FBXO45: variants seen among roughly 807,000 people sequenced by gnomAD.
FBXO45 encodes the protein F-box/SPRY domain-containing protein 1.
Under a neutral mutation model 25.5 loss-of-function variants are expected in FBXO45, and 3 were observed. That is an observed-to-expected ratio of 0.12 (90% CI 0.05 to 0.30). The LOEUF is 0.30. Among genes scored for constraint, FBXO45 ranks in the 10% least tolerant of loss-of-function variants. The pLI is 1.00. For missense variants in FBXO45, 219 were observed against 365.0 expected (o/e 0.60, Z 3.26); for synonymous variants, 155 against 149.8 (o/e 1.03, Z -0.25).
At chr3:196,574,486 A>G (rs989235278) in intron 1 of FBXO45, among the ~76,000 whole-genome samples, 3 of 152,326 alleles carry the variant, frequency 2.0e-5, no homozygotes, top group Admixed American at 1.3e-4. Flanking sequence ...ATTTTAGTCT[A>G]CATATTCACT....
At chr3:196,582,759 C>G (rs1736035325) in intron 2 of FBXO45, among the ~76,000 whole-genome samples, 1 of 151,846 alleles carries the variant, frequency 6.6e-6, no homozygotes, top group Admixed American at 6.6e-5. Context: ...GTTTAATAAG[C>G]CTATTCTATA....
chr3:196,579,246 G>A (rs1735967020), intron 2 of FBXO45, among the ~76,000 whole-genome samples: 1 of 152,208 alleles, frequency 6.6e-6, no homozygotes, highest in Non-Finnish European at 1.5e-5. Context: ...ATATTTCAGA[G>A]CCACCTGTGG....
rs906169574 is a variant in FBXO45, at chr3:196,585,828, A to G, written c.*1510A>G. 1.3e-5 allele frequency: 2 copies of G among 152,214 alleles called. No individual in the cohort carries two copies. The highest frequency in any genetic ancestry group is 4.8e-5 in the African/African-American group (2 of 41,456). The allele number at this position is 152,214 out of a possible 1,614,324, so 9.4% of individuals were successfully genotyped here. On this transcript the variant is annotated 3_prime_UTR_variant, in exon 3 of 3. Transcript: ENST00000311630. The stretch of plus-strand genomic sequence containing the variant: ...GTACTTCTGAGTTCTTGCTGTATGT[A>G]TGTTTTGTTTTAAATCTGATTAGGG...
chr3:196,574,229 G>C (rs1169009533), intron 1 of FBXO45, among the ~76,000 whole-genome samples: 1 of 151,964 alleles, frequency 6.6e-6, no homozygotes, highest in East Asian at 1.9e-4. Context: ...CACCATGCCC[G>C]GCCTATTTTC....
intron 1 of FBXO45, among the ~76,000 whole-genome samples, chr3:196,570,998 A>T (rs1274654400): frequency 2.0e-5 from 3 of 151,744 alleles, no homozygotes; most frequent in Non-Finnish European, 4.4e-5. Context: ...GCGTGAGCTC[A>T]TGCGCCCGGC....
At position 196,585,880 on chromosome 3, in the gene FBXO45, G is replaced by A. The variant is rs548918803; in HGVS notation, c.*1562G>A. On this transcript the variant is annotated 3_prime_UTR_variant, in exon 3 of 3. Coordinates refer to ENST00000311630, the MANE Select transcript of FBXO45 (RefSeq NM_001105573.2). ...CACCCAGCAGCTGGCCGGGATTCTT[G>A]GATTGCTCCTTGGGAGTTAAGATTG... 6.6e-6 allele frequency: 1 copy of A among 152,302 alleles called. No homozygotes were observed. Among genetic ancestry groups the A allele is most frequent in the African/African-American group, 2.4e-5 (1 of 41,572 alleles). 9.4% of individuals were successfully genotyped at this position (152,302 alleles called of 1,614,324 possible).
At position 196,584,331 on chromosome 3, in the gene FBXO45, T is replaced by C. The variant is rs374148064; in HGVS notation, c.*13T>C. 1.9e-6 allele frequency: 3 copies of C among 1,593,282 alleles called. No homozygotes were observed. Among genetic ancestry groups the C allele is most frequent in the Non-Finnish European group, 2.6e-6 (3 of 1,172,400 alleles). Reference sequence around the variant, plus strand: ...TTTGGACGGATGACAGTGGCTTTCTTGTGATGACAGACAGAATGGAGGAGA... The same window carrying C: ...TTTGGACGGATGACAGTGGCTTTCTCGTGATGACAGACAGAATGGAGGAGA... On this transcript the variant is annotated 3_prime_UTR_variant, in exon 3 of 3. Transcript: ENST00000311630. The surrounding 1 kb of genome is among the most constrained non-coding windows in gnomAD (Gnocchi z 4.3).
At chr3:196,571,729 TTTTC>T (rs1320581539) in intron 1 of FBXO45, among the ~76,000 whole-genome samples, 1 of 152,224 alleles carries the variant, frequency 6.6e-6, no homozygotes, top group East Asian at 1.9e-4. Context: ...CTGTCTTACT[TTTTC>T]TTTTGTATCC....
At chr3:196,575,681 CTT>C (rs549432229) in intron 1 of FBXO45, among the ~76,000 whole-genome samples, 12 of 141,588 alleles carry the variant, frequency 8.5e-5, no homozygotes, top group Admixed American at 1.4e-4. Context: ...TTCTTTGTTT[CTT>C]TTTTTTTTTT....
chr3:196,575,468 A>T (rs1037073829), intron 1 of FBXO45, among the ~76,000 whole-genome samples: 2 of 151,692 alleles, frequency 1.3e-5, no homozygotes, highest in African/African-American at 4.8e-5. Context: ...AAAAAAAAAA[A>T]AAAAGAAAAG....
At position 196,569,441 on chromosome 3, in the gene FBXO45, A is replaced by G; in HGVS notation, c.318+139A>G. The G allele has an allele frequency of 1.4e-6, 1 of 729,174 alleles. No individual in the cohort carries two copies. Among genetic ancestry groups the G allele is most frequent in the Non-Finnish European group, 2.1e-6 (1 of 474,460 alleles). 45.2% of individuals were successfully genotyped at this position (729,174 alleles called of 1,614,324 possible). A position where few individuals can be genotyped will look rare whatever the true frequency, so the allele number is the denominator to read the frequency against. On this transcript the variant is annotated intron_variant, in intron 1 of 2. Transcript: ENST00000311630. This position sits in a 1 kb window ranked among gnomAD's most constrained non-coding sequence, Gnocchi z 4.1. The stretch of plus-strand genomic sequence containing the variant: ...CACGGCTCCAGTCAGTATCTTCCTC[A>G]CCTCCCCCCAAGATAAAGATTCTCT...
intron 2 of FBXO45, among the ~76,000 whole-genome samples, chr3:196,578,036 GA>G (rs1735945641): frequency 2.5e-5 from 1 of 40,552 alleles, no homozygotes; most frequent in African/African-American, 1.2e-4. Flanking sequence ...TGGCTATGCA[GA>G]AAAATATTCT....
At chr3:196,580,719 TCTTGTTTTTTCCCCCAAC>T (rs1457176383) in intron 2 of FBXO45, among the ~76,000 whole-genome samples, 3 of 152,208 alleles carry the variant, frequency 2.0e-5, no homozygotes, top group Non-Finnish European at 4.4e-5. Context: ...AAAACTATGT[TCTTGTTTTTTCCCCCAAC>T]CTTGTTTCTC....
rs910522711 is a variant in FBXO45, at chr3:196,585,523, T to G, written c.*1205T>G. On this transcript the variant is annotated 3_prime_UTR_variant, in exon 3 of 3. Transcript: ENST00000311630. ...GTTAAGAATATTCTTAATCTCATTA[T>G]AGATAATTGCCCCCATGGGACTTGA... 6.6e-6 allele frequency: 1 copy of G among 152,220 alleles called. No individual in the cohort carries two copies. The highest frequency in any genetic ancestry group is 1.5e-5 in the Non-Finnish European group (1 of 68,026). The allele number at this position is 152,220 out of a possible 1,614,324, so 9.4% of individuals were successfully genotyped here. A position where few individuals can be genotyped will look rare whatever the true frequency, so the allele number is the denominator to read the frequency against.
chr3:196,587,289 T>G lies in FBXO45; in HGVS notation c.*2971T>G, dbSNP rs769819935. ...CATTAAATCTTTTCATACAAGGAAT[T>G]TGTGGTTAATGTCATTTCATAGTTG... On this transcript the variant is annotated 3_prime_UTR_variant, in exon 3 of 3. Coordinates refer to ENST00000311630, the MANE Select transcript of FBXO45 (RefSeq NM_001105573.2). 3.3e-5 allele frequency: 5 copies of G among 152,220 alleles called. No homozygotes were observed. The highest frequency in any genetic ancestry group is 5.9e-5 in the Non-Finnish European group (4 of 68,040). The allele number at this position is 152,220 out of a possible 1,614,324, so 9.4% of individuals were successfully genotyped here. A position where few individuals can be genotyped will look rare whatever the true frequency, so the allele number is the denominator to read the frequency against.
At chr3:196,575,214 C>G (rs529724480) in intron 1 of FBXO45, among the ~76,000 whole-genome samples, 1 of 151,930 alleles carries the variant, frequency 6.6e-6, no homozygotes, top group East Asian at 1.9e-4. Flanking sequence ...CCAGCACTTG[C>G]GGAGGCCAAG....
intron 1 of FBXO45, among the ~76,000 whole-genome samples, chr3:196,577,178 T>C (rs1339319258): frequency 5.9e-5 from 9 of 152,236 alleles, no homozygotes; most frequent in Admixed American, 5.9e-4. Context: ...AGGATTTTTC[T>C]TTTTTGTATC....
chr3:196,569,150 C>G lies in FBXO45; in HGVS notation c.166C>G (p.Leu56Val), dbSNP rs1399371704. Reference sequence around the variant, plus strand: ...GTTCTCTTACCTGGAGCTGTCCGAGCTGCGGAGCTGCGCCCTGGTGTGCAA... The same window carrying G: ...GTTCTCTTACCTGGAGCTGTCCGAGGTGCGGAGCTGCGCCCTGGTGTGCAA... ...LVFSYLELSE[L>V]RSCALVCKHW... Residue 56 changes from leucine (L) to valine (V), a missense_variant, in exon 1 of 3, where the codon CTG (leucine) becomes GTG (valine). Leu to Val is a conservative substitution (Grantham distance 32). Transcript: ENST00000311630. The surrounding 1 kb of genome is among the most constrained non-coding windows in gnomAD (Gnocchi z 4.1). 6.4e-7 allele frequency: 1 copy of G among 1,550,956 alleles called. No individual in the cohort carries two copies. The highest frequency in any genetic ancestry group is 2.4e-5 in the East Asian group (1 of 40,946).
rs1369027510 is a variant in FBXO45 at position 196,588,471 on chromosome 3, C to G, written c.*4153C>G. ...GTAGATAATCAGGACCACTTGGAAGCCTTTATTAGGAACAGCCCACACCCA... is the reference window on the plus strand; with the variant it reads ...GTAGATAATCAGGACCACTTGGAAGGCTTTATTAGGAACAGCCCACACCCA... On this transcript the variant is annotated 3_prime_UTR_variant, in exon 3 of 3. Transcript: ENST00000311630. The surrounding 1 kb of genome is among the most constrained non-coding windows in gnomAD (Gnocchi z 4.2). The G allele has an allele frequency of 1.3e-5, 2 of 152,210 alleles. No individual in the cohort carries two copies. The highest frequency in any genetic ancestry group is 3.9e-4 in the East Asian group (2 of 5,194). 9.4% of individuals were successfully genotyped at this position (152,210 alleles called of 1,614,324 possible). A position where few individuals can be genotyped will look rare whatever the true frequency, so the allele number is the denominator to read the frequency against.
Sources: allele counts gnomAD v4.1 joint callset (sites outside exome capture counted in the v4.1 genomes callset), GRCh38; gene constraint gnomAD v4.1.1; non-coding constraint Gnocchi (gnomAD v3.1); transcripts MANE v1.5; gene names NCBI Gene and HGNC (gene_info 2026-07-23, HGNC 2026-07-21).